The following SPTLC1 variants were observed in gnomAD, a reference collection of about 807,000 sequenced individuals.
SPTLC1 encodes the protein serine palmitoyltransferase long chain base subunit 1, also known as serine palmitoyltransferase 1.
SPTLC1 carries 55 observed loss-of-function variants against 68.9 expected under a neutral mutation model. That is an observed-to-expected ratio of 0.80 (90% CI 0.64 to 1.00). The LOEUF (loss-of-function observed/expected upper bound fraction) is 1.00. Among genes scored for constraint, SPTLC1 ranks in the 50% least tolerant of loss-of-function variants. SPTLC1 has a pLI of 0.00. For missense variants in SPTLC1, 449 were observed against 573.1 expected, an observed-to-expected ratio of 0.78 and a Z score of 2.21; for synonymous variants, 197 against 201.6, an observed-to-expected ratio of 0.98 and a Z score of 0.19.
chr9:92,087,573 G>C (rs7035867), intron 3 of SPTLC1, among the ~76,000 whole-genome samples: 80,777 of 152,024 alleles, frequency 0.53, 24,694 homozygotes, highest in African/African-American at 0.85. Context: ...TCGTGAACCG[G>C]GAATGCTGCT....
intron 12 of SPTLC1, among the ~76,000 whole-genome samples, chr9:92,039,833 GCGTCTC>G (rs1833277233): frequency 6.6e-6 from 1 of 152,028 alleles, no homozygotes; most frequent in South Asian, 2.1e-4. Context: ...TTATTAATTA[GCGTCTC>G]CTTTCTTTAA....
At chr9:92,059,856 G>T (rs1427881544) in intron 6 of SPTLC1, among the ~76,000 whole-genome samples, 1 of 152,168 alleles carries the variant, frequency 6.6e-6, no homozygotes, top group Admixed American at 6.5e-5. Context: ...GCTGTAACAA[G>T]GCGACACACC....
At position 92,091,481 on chromosome 9, in the gene SPTLC1, A is replaced by G. The variant is rs140815868; in HGVS notation, c.261-10518T>C. On this transcript the variant is annotated intron_variant, in intron 3 of 14. Transcript: ENST00000262554. ...AAGATGCCTAGGAAGAATTAGAATA[A>G]AACTGCTGCATGGGGTAAAGGAAAG... is the stretch of plus-strand genomic sequence containing the variant. Among the ~76,000 whole-genome samples, 8 of 152,376 alleles carry G rather than the reference A, an allele frequency of 5.3e-5. No individual in the cohort carries two copies. The East Asian group carries it at 1.5e-3, about 29-fold the overall frequency.
In SPTLC1 at chr9:92,051,636, G is replaced by T. The variant is rs193234434; in HGVS notation, c.781-1569C>A. On this transcript the variant is annotated intron_variant, in intron 8 of 14. Transcript: ENST00000262554. ...GGTCCTAGCCAGGGCAATCAGGCAA[G>T]AAAGATAAAGGGCATCCAAATTGAA... 7.9e-5 allele frequency among the ~76,000 whole-genome samples: 12 copies of T among 152,286 alleles called. No homozygotes were observed. In the East Asian group the frequency reaches 2.1e-3, roughly 27 times the overall value.
At chr9:92,077,817 C>T (rs1221673827) in intron 5 of SPTLC1, among the ~76,000 whole-genome samples, 2 of 152,140 alleles carry the variant, frequency 1.3e-5, no homozygotes, top group African/African-American at 4.8e-5. Flanking sequence ...GGACAGATGA[C>T]CTTCTGTGGC....
intron 13 of SPTLC1, among the ~76,000 whole-genome samples, chr9:92,037,747 T>A (rs1223602253): frequency 6.6e-6 from 1 of 152,226 alleles, no homozygotes; most frequent in African/African-American, 2.4e-5. Flanking sequence ...AAATTAGGTA[T>A]GTTATAAAAA....
At chr9:92,104,985 T>C in intron 3 of SPTLC1, 3 of 1,531,082 alleles carry the variant, frequency 2.0e-6, no homozygotes, top group Non-Finnish European at 2.6e-6. Flanking sequence ...CCAACAGTGC[T>C]CCCTGCCCCA....
intron 3 of SPTLC1, among the ~76,000 whole-genome samples, chr9:92,090,502 C>G (rs904407368): frequency 2.6e-4 from 39 of 151,978 alleles, no homozygotes; most frequent in Non-Finnish European, 4.9e-4. Context: ...ATCCCAGCTA[C>G]TCCAGAGGCG....
intron 3 of SPTLC1, among the ~76,000 whole-genome samples, chr9:92,083,265 T>C (rs1204166333): frequency 6.6e-6 from 1 of 152,224 alleles, no homozygotes; most frequent in Non-Finnish European, 1.5e-5. Context: ...TTTGTCAATT[T>C]TGGCTTTTGT....
At chr9:92,051,871 AT>A (rs940300371) in intron 8 of SPTLC1, among the ~76,000 whole-genome samples, 1 of 152,248 alleles carries the variant, frequency 6.6e-6, no homozygotes, top group Non-Finnish European at 1.5e-5. Context: ...GAATAAAAAA[AT>A]CAAATACTTA....
At chr9:92,110,420 T>A (rs1444213996) in intron 2 of SPTLC1, 2 of 152,192 alleles carry the variant, frequency 1.3e-5, no homozygotes, top group Admixed American at 1.3e-4. Context: ...AATAACCTTA[T>A]ACTAATAATC....
At chr9:92,080,330 C>T (rs1020417704) in intron 4 of SPTLC1, among the ~76,000 whole-genome samples, 10 of 152,128 alleles carry the variant, frequency 6.6e-5, no homozygotes, top group Admixed American at 2.0e-4. Flanking sequence ...TGGAAAATGC[C>T]TGTTAGCCCA....
At chr9:92,033,570 A>T (rs977973246) in intron 14 of SPTLC1, among the ~76,000 whole-genome samples, 1 of 152,176 alleles carries the variant, frequency 6.6e-6, no homozygotes, top group South Asian at 2.1e-4. Flanking sequence ...CCTTTGGATG[A>T]GTGCAATAAA....
At chr9:92,064,603 G>T (rs1834218077) in intron 6 of SPTLC1, among the ~76,000 whole-genome samples, 1 of 152,152 alleles carries the variant, frequency 6.6e-6, no homozygotes, top group South Asian at 2.1e-4. Flanking sequence ...GCATTCCTTG[G>T]CATGTATTCC....
intron 1 of SPTLC1, among the ~76,000 whole-genome samples, chr9:92,114,426 C>CT (rs1379874040): frequency 1.3e-5 from 2 of 152,170 alleles, no homozygotes; most frequent in Admixed American, 1.3e-4. Context: ...TCAAAAAACT[C>CT]TTAACTATTC....
chr9:92,109,103 C>T (rs1278233152), intron 2 of SPTLC1: 3 of 331,532 alleles, frequency 9.0e-6, no homozygotes, highest in African/African-American at 2.1e-5. Flanking sequence ...AACATCTGGC[C>T]TAACCATAGG....
At chr9:92,047,030 C>T in intron 11 of SPTLC1, 142 bp downstream of exon 11, 1 of 749,300 alleles carries the variant, frequency 1.3e-6, no homozygotes, top group African/African-American at 1.7e-5. Context: ...AGCTTCTTCA[C>T]TGCCATTCTT....
intron 3 of SPTLC1, among the ~76,000 whole-genome samples, chr9:92,099,419 C>T (rs117475545): frequency 0.05 from 7,610 of 151,492 alleles, 264 homozygotes; most frequent in Middle Eastern, 0.065. Flanking sequence ...TCTCAATTGA[C>T]AAAATGGACC....
intron 3 of SPTLC1, among the ~76,000 whole-genome samples, chr9:92,099,119 A>G (rs1835649140): frequency 6.6e-6 from 1 of 152,202 alleles, no homozygotes; most frequent in Admixed American, 6.5e-5. Context: ...ATAACCACTA[A>G]ATTATCTAAG....
Sources: allele counts gnomAD v4.1 joint callset (sites outside exome capture counted in the v4.1 genomes callset), GRCh38; gene constraint gnomAD v4.1.1; transcripts MANE v1.5; gene names NCBI Gene and HGNC (gene_info 2026-07-23, HGNC 2026-07-21).